The following TMPO variants were observed in gnomAD, a reference collection of about 807,000 sequenced individuals.
The protein encoded by TMPO is LEM domain containing 4.
TMPO carries 22 observed loss-of-function variants against 45.4 expected under a neutral mutation model. The ratio of observed to expected loss-of-function variants is 0.48; its 90% confidence interval spans 0.35 to 0.69. The LOEUF (loss-of-function observed/expected upper bound fraction) is 0.69. TMPO is among the 30% of genes least tolerant of loss of function. The probability of loss-of-function intolerance (pLI) is 0.01; values close to 1 mark genes in which losing one functional copy is unlikely to be tolerated. For synonymous variants in TMPO, 241 were observed against 204.1 expected (o/e 1.18, Z -1.54); for missense variants, 512 against 548.8 (o/e 0.93, Z 0.67).
At chr12:98,538,131 A>G (rs1301727185) in intron 4 of TMPO, among the ~76,000 whole-genome samples, 1 of 152,228 alleles carries the variant, frequency 6.6e-6, no homozygotes, top group Non-Finnish European at 1.5e-5. Context: ...CATAGGTATA[A>G]ATGAACAGAG....
chr12:98,546,684 C>G (rs548690591), intron 8 of TMPO, among the ~76,000 whole-genome samples: 29 of 152,258 alleles, frequency 1.9e-4, no homozygotes, highest in African/African-American at 6.5e-4. Context: ...TACCCACCGA[C>G]TTTTAAATAA....
At position 98,547,635 on chromosome 12, in the gene TMPO, GGAT is replaced by G. The variant is rs1404834765; in HGVS notation, c.1144_1146del (p.Met382del). On this transcript the variant is annotated inframe_deletion, in exon 9 of 9. Transcript: ENST00000556029. Reference sequence around the variant, plus strand: ...CGGCCATTAGAACTCAGTGATTTCAGGATGGAGGAGTCTTTTTCATCTAAATAT... The same window carrying G: ...CGGCCATTAGAACTCAGTGATTTCAGGGAGGAGTCTTTTTCATCTAAATAT... The G allele has an allele frequency of 6.2e-7, 1 of 1,614,074 alleles. No individual in the cohort carries two copies. Among genetic ancestry groups the G allele is most frequent in the Non-Finnish European group, 8.5e-7 (1 of 1,180,042 alleles).
Position 98,527,917 on chromosome 12 carries a change from A to G in TMPO, c.311A>G (p.Gln104Arg). 1 of 1,613,964 alleles carries G rather than the reference A, an allele frequency of 6.2e-7. No homozygotes were observed. Among genetic ancestry groups the G allele is most frequent in the Non-Finnish European group, 8.5e-7 (1 of 1,179,924 alleles). Residue 104 changes from glutamine (Q) to arginine (R), a missense_variant, in exon 2 of 9, where the codon CAA (glutamine) becomes CGA (arginine). This residue lies in a region of TMPO where 299 missense variants were observed against 296.7 expected (regional missense o/e 1.01). Coordinates refer to ENST00000556029, the MANE Select transcript of TMPO (RefSeq NM_001032283.3). Reference sequence around the variant, plus strand: ...ACAAAAAAAACTGATAAACCCAGACAAGAAGATAAAGATGATCTAGATGTA... The same window carrying G: ...ACAAAAAAAACTGATAAACCCAGACGAGAAGATAAAGATGATCTAGATGTA... Reference protein sequence around the residue: ...KATKKTDKPRQEDKDDLDVTE... With the variant: ...KATKKTDKPRREDKDDLDVTE...
At chr12:98,533,593 G>A in intron 3 of TMPO, 1 of 1,614,198 alleles carries the variant, frequency 6.2e-7, no homozygotes, top group Non-Finnish European at 8.5e-7. Context: ...AGGTTCCTTT[G>A]TGGCATTTCA....
At chr12:98,545,129 G>GTTTTTTTTTTT (rs79128220) in intron 7 of TMPO, 68 bp downstream of exon 7, 9 of 650,964 alleles carry the variant, frequency 1.4e-5, no homozygotes, top group East Asian at 3.3e-5. Flanking sequence ...ATATTTGTTT[G>GTTTTTTTTTTT]TTTTTTTTTT....
At chr12:98,530,501 T>C (rs1355770408) in intron 2 of TMPO, among the ~76,000 whole-genome samples, 1 of 105,040 alleles carries the variant, frequency 9.5e-6, no homozygotes, top group Non-Finnish European at 2.2e-5. Context: ...ATCATTTTGC[T>C]CATCTTACCA....
At position 98,537,531 on chromosome 12, in the gene TMPO, A is replaced by C. The variant is rs755257723; in HGVS notation, c.622A>C (p.Thr208Pro). Residue 208 changes from threonine (T) to proline (P), a missense_variant, in exon 4 of 9, where the codon ACT becomes CCT. Physicochemically the swap from Thr to Pro is conservative, Grantham distance 38. This residue lies in a region of TMPO where 299 missense variants were observed against 296.7 expected (regional missense o/e 1.01). Transcript: ENST00000556029. ...AGAACCACTAAAGGGCAGAGCAAAG[A>C]CTCCAGTAACACTCAAGCAAAGAAG... Reference protein sequence around the residue: ...KREPLKGRAKTPVTLKQRRVE... With the variant: ...KREPLKGRAKPPVTLKQRRVE... 9 of 1,613,608 alleles carry C rather than the reference A, an allele frequency of 5.6e-6. No homozygotes were observed. Among genetic ancestry groups the C allele is most frequent in the Non-Finnish European group, 6.8e-6 (8 of 1,179,742 alleles).
chr12:98,546,488 AGGGAAT>A, intron 8 of TMPO, 41 bp downstream of exon 8: 12 of 1,350,946 alleles, frequency 8.9e-6, no homozygotes, highest in Non-Finnish European at 1.2e-5. Flanking sequence ...GTATTCTAGT[AGGGAAT>A]CTTTATTTTT....
intron 1 of TMPO, chr12:98,516,547 A>G (rs1875845347): frequency 9.8e-7 from 1 of 1,020,326 alleles, no homozygotes; most frequent in Non-Finnish European, 1.2e-6. Context: ...CCGCTTTATT[A>G]ACTGAAATGA....
intron 7 of TMPO, 71 bp downstream of exon 7, chr12:98,545,132 T>TTTTG: frequency 9.9e-7 from 1 of 1,009,028 alleles, no homozygotes; most frequent in Non-Finnish European, 1.4e-6. Flanking sequence ...TTTGTTTGTT[T>TTTTG]TTTTTTTTTT....
In TMPO at chr12:98,544,219, T is replaced by G. The variant is rs752092225; in HGVS notation, c.664-11T>G. ...AGAATATGACTTTTTAATGTGTTGATGCTTGAATAGAGCTATTCTCAAGCT... is the reference window on the plus strand; with the variant it reads ...AGAATATGACTTTTTAATGTGTTGAGGCTTGAATAGAGCTATTCTCAAGCT... On this transcript the variant is annotated splice_polypyrimidine_tract_variant and intron_variant, in intron 4 of 8. Transcript: ENST00000556029. 1 of 1,613,598 alleles carries G rather than the reference T, an allele frequency of 6.2e-7. No individual in the cohort carries two copies. The highest frequency in any genetic ancestry group is 2.2e-5 in the East Asian group (1 of 44,832).
chr12:98,515,871 C>T lies in TMPO; in HGVS notation c.4C>T (p.Pro2Ser), dbSNP rs1334152355. 1 of 1,612,946 alleles carries T rather than the reference C, an allele frequency of 6.2e-7. No homozygotes were observed. Among genetic ancestry groups the T allele is most frequent in the East Asian group, 2.2e-5 (1 of 44,826 alleles). ...GGGGGCTTCGCAGATCCCCGAGATG[C>T]CGGAGTTCCTGGAAGACCCCTCGGT... The part of the protein sequence containing the change: M[P>S]EFLEDPSVLT... Residue 2 changes from proline (P) to serine (S), a missense_variant, in exon 1 of 9, where the codon CCG becomes TCG. This residue lies in a region of TMPO where 299 missense variants were observed against 296.7 expected (regional missense o/e 1.01). Coordinates refer to ENST00000556029, the MANE Select transcript of TMPO (RefSeq NM_001032283.3).
At chr12:98,542,948 A>G (rs1263412464) in intron 4 of TMPO, among the ~76,000 whole-genome samples, 1 of 152,236 alleles carries the variant, frequency 6.6e-6, no homozygotes, top group African/African-American at 2.4e-5. Flanking sequence ...ATAATTTTGC[A>G]TTCAGCAAAT....
intron 1 of TMPO, among the ~76,000 whole-genome samples, chr12:98,518,080 G>A (rs969773216): frequency 6.6e-6 from 1 of 151,564 alleles, no homozygotes; most frequent in African/African-American, 2.4e-5. Context: ...GGGAGGCGGA[G>A]GTTGCAGTGA....
In TMPO at chr12:98,516,081, G is replaced by A; in HGVS notation, c.214G>A (p.Glu72Lys). 2 of 1,600,532 alleles carry A rather than the reference G, an allele frequency of 1.2e-6. No individual in the cohort carries two copies. Among genetic ancestry groups the A allele is most frequent in the Non-Finnish European group, 1.7e-6 (2 of 1,176,484 alleles). Reference sequence around the variant, plus strand: ...GGACTTCTCCAGTGACGAAGAGCGCGAGCCCACCCCGGTCCTCGGCTCTGG... The same window carrying A: ...GGACTTCTCCAGTGACGAAGAGCGCAAGCCCACCCCGGTCCTCGGCTCTGG... Reference protein sequence around the residue: ...PPDFSSDEEREPTPVLGSGAA... With the variant: ...PPDFSSDEERKPTPVLGSGAA... Residue 72 changes from glutamate to lysine, a missense_variant, in exon 1 of 9, where the codon GAG (glutamate) becomes AAG (lysine). This residue lies in a region of TMPO where 299 missense variants were observed against 296.7 expected (regional missense o/e 1.01). Transcript: ENST00000556029.
chr12:98,527,333 T>C (rs1215182200), intron 1 of TMPO, among the ~76,000 whole-genome samples: 1 of 27,082 alleles, frequency 3.7e-5, no homozygotes. Context: ...ACCCCATCTC[T>C]ACAAAAAAAA....
At chr12:98,524,554 G>C (rs1248658063) in intron 1 of TMPO, among the ~76,000 whole-genome samples, 1 of 151,194 alleles carries the variant, frequency 6.6e-6, no homozygotes, top group East Asian at 2.0e-4. Flanking sequence ...GCCTGGGCGA[G>C]AGAGTTAAGA....
intron 3 of TMPO, among the ~76,000 whole-genome samples, chr12:98,537,080 AGT>A (rs140667358): frequency 8.5e-5 from 13 of 152,292 alleles, no homozygotes; most frequent in Non-Finnish European, 1.9e-4. Flanking sequence ...GTACAGTAGT[AGT>A]ATACTGTATG....
At chr12:98,547,171 G>T (rs185056774) in intron 8 of TMPO, among the ~76,000 whole-genome samples, 1 of 151,832 alleles carries the variant, frequency 6.6e-6, no homozygotes, top group African/African-American at 2.4e-5. Context: ...CACCTCCTGG[G>T]TTCAAGCGAT....
Sources: gnomAD v4.1 joint callset for allele counts (sites outside exome capture counted in the v4.1 genomes callset) on GRCh38, gnomAD v4.1.1 for gene constraint, gnomAD v4.1.1 regional missense constraint, MANE v1.5 for transcripts, NCBI Gene and HGNC (gene_info 2026-07-23, HGNC 2026-07-21) for gene names.